SLFN12L: variants seen among roughly 807,000 people sequenced by gnomAD.
SLFN12L encodes the protein schlafen family member 12-like.
In SLFN12L, 34 loss-of-function variants were observed where a neutral mutation model predicts 34.8. That is an observed-to-expected ratio of 0.98 (90% confidence interval 0.74 to 1.30). The LOEUF (loss-of-function observed/expected upper bound fraction) is 1.30. SLFN12L is among the 50% of genes most tolerant of loss of function. The pLI is 0.00. For missense variants in SLFN12L, 703 were observed against 696.2 expected (o/e 1.01, Z -0.11); for synonymous variants, 259 against 247.5 (o/e 1.05, Z -0.44).
At chr17:35,498,195 G>T in intron 2 of SLFN12L, 1 of 694,134 alleles carries the variant, frequency 1.4e-6, no homozygotes, top group Non-Finnish European at 2.6e-6. Flanking sequence ...GGGGAGCCGG[G>T]GCCGCCTGGG....
intron 2 of SLFN12L, among the ~76,000 whole-genome samples, chr17:35,487,467 G>GACC (rs1213852415): frequency 6.7e-6 from 1 of 148,974 alleles, no homozygotes; most frequent in African/African-American, 2.5e-5. Flanking sequence ...GGAGCCCACG[G>GACC]ACCACCCCCC....
chr17:35,493,782 A>G (rs1010143270), intron 2 of SLFN12L, among the ~76,000 whole-genome samples: 7 of 152,270 alleles, frequency 4.6e-5, no homozygotes, highest in African/African-American at 1.4e-4. Context: ...TAGTCTACTC[A>G]CATTTTCATT....
rs955782732 is a variant in SLFN12L, at chr17:35,473,652, A to G, written c.*1271T>C. On this transcript the variant is annotated 3_prime_UTR_variant, in exon 5 of 5. Coordinates refer to ENST00000628453, the MANE Select transcript of SLFN12L (RefSeq NM_001363830.2). ...GTCCCTACCAGGTTTTGGTATCAGGATGATACTGGCTTCATAAAATGAGTT... is the reference window on the plus strand; with the variant it reads ...GTCCCTACCAGGTTTTGGTATCAGGGTGATACTGGCTTCATAAAATGAGTT... 1.4e-4 allele frequency: 22 copies of G among 152,080 alleles called. No homozygotes were observed. Among genetic ancestry groups the G allele is most frequent in the African/African-American group, 5.1e-4 (21 of 41,412 alleles). The allele number at this position is 152,080 out of a possible 1,614,324, so 9.4% of individuals were successfully genotyped here.
rs1180707692 is a variant in SLFN12L, at chr17:35,473,365, T to A, written c.*1558A>T. ...ATTGAGAGTTTTTAACATAAAGGGA[T>A]GTTGAATTTTGTCAGAGTCTTTTTC... is the stretch of plus-strand genomic sequence containing the variant. On this transcript the variant is annotated 3_prime_UTR_variant, in exon 5 of 5. Coordinates refer to ENST00000628453, the MANE Select transcript of SLFN12L (RefSeq NM_001363830.2). 6.6e-6 allele frequency among the ~76,000 whole-genome samples: 1 copy of A among 152,204 alleles called. No individual in the cohort carries two copies. The highest frequency in any genetic ancestry group is 1.5e-5 in the Non-Finnish European group (1 of 68,034).
chr17:35,530,793 C>T (rs558600549), intron 1 of SLFN12L, among the ~76,000 whole-genome samples: 299 of 152,238 alleles, frequency 2.0e-3, no homozygotes, highest in African/African-American at 4.5e-3. Flanking sequence ...TGTGCCACAA[C>T]CTGCACAATC....
At chr17:35,512,121 T>C (rs2142159259) in intron 2 of SLFN12L, among the ~76,000 whole-genome samples, 1 of 151,888 alleles carries the variant, frequency 6.6e-6, no homozygotes, top group African/African-American at 2.4e-5. Context: ...GGCAATTGTG[T>C]TTCTGGGAGA....
chr17:35,518,639 C>T (rs1006375092), intron 2 of SLFN12L, among the ~76,000 whole-genome samples: 5 of 150,898 alleles, frequency 3.3e-5, no homozygotes, highest in African/African-American at 1.2e-4. Context: ...AAATCAAAAC[C>T]ACAATGAGAT....
In SLFN12L at chr17:35,475,384, C is replaced by G; in HGVS notation, c.1378G>C (p.Val460Leu). ...GAGAAGATCAGTGAGCCCTTATTGA[C>G]AGAGCCCATTTCTTCACATATTAAT... Reference protein sequence around the residue: ...KQLICEEMGSVNKGSLIFSRS... With the variant: ...KQLICEEMGSLNKGSLIFSRS... The change falls in exon 5 of 5, where the codon GTC becomes CTC. Residue 460 changes from valine (V) to leucine (L), a missense_variant. By Grantham distance (32) the Val-to-Leu change is conservative (BLOSUM62 1). Transcript: ENST00000628453. The G allele has an allele frequency of 2.5e-6, 4 of 1,614,210 alleles. No homozygotes were observed. Among genetic ancestry groups the G allele is most frequent in the Non-Finnish European group, 3.4e-6 (4 of 1,180,046 alleles).
intron 2 of SLFN12L, chr17:35,490,421 T>A: frequency 8.2e-7 from 1 of 1,224,854 alleles, no homozygotes. Context: ...CCCGATGGGG[T>A]CTTGGTTTTG....
intron 2 of SLFN12L, among the ~76,000 whole-genome samples, chr17:35,491,928 G>A (rs1295423508): frequency 6.6e-6 from 1 of 152,190 alleles, no homozygotes; most frequent in Non-Finnish European, 1.5e-5. Context: ...GCCACTCTAA[G>A]CTGTTGTGGA....
chr17:35,495,371 A>C (rs1385806775), intron 2 of SLFN12L, among the ~76,000 whole-genome samples: 1 of 152,200 alleles, frequency 6.6e-6, no homozygotes, highest in Non-Finnish European at 1.5e-5. Context: ...TAGGTAGGTC[A>C]ATTTCCTTCA....
intron 2 of SLFN12L, chr17:35,490,414 G>A: frequency 2.4e-6 from 3 of 1,234,426 alleles, no homozygotes; most frequent in East Asian, 4.6e-5. Flanking sequence ...CCAGTCACCC[G>A]ATGGGGTCTT....
At chr17:35,529,495 C>G (rs529266193) in intron 1 of SLFN12L, among the ~76,000 whole-genome samples, 1 of 152,152 alleles carries the variant, frequency 6.6e-6, no homozygotes, top group Non-Finnish European at 1.5e-5. Flanking sequence ...CACATATACA[C>G]CATGGAATAC....
At position 35,473,104 on chromosome 17, in the gene SLFN12L, C is replaced by T. The variant is rs1406147737; in HGVS notation, c.*1819G>A. Among the ~76,000 whole-genome samples the T allele has an allele frequency of 6.6e-6, 1 of 152,154 alleles. No individual in the cohort carries two copies. The highest frequency in any genetic ancestry group is 3.2e-3 in the Middle Eastern group (1 of 316). ...AAATCATCTCATCTACAAATAAAGACAATTTGACTTCCTCTCTTCCTATTC... is the reference window on the plus strand; with the variant it reads ...AAATCATCTCATCTACAAATAAAGATAATTTGACTTCCTCTCTTCCTATTC... On this transcript the variant is annotated 3_prime_UTR_variant, in exon 5 of 5. Coordinates refer to ENST00000628453, the MANE Select transcript of SLFN12L (RefSeq NM_001363830.2).
At chr17:35,481,390 G>A (rs1489946637) in intron 2 of SLFN12L, among the ~76,000 whole-genome samples, 1 of 152,234 alleles carries the variant, frequency 6.6e-6, no homozygotes, top group Non-Finnish European at 1.5e-5. Context: ...CATGCTCCTG[G>A]TCCACTTTCA....
Position 35,530,505 on chromosome 17 carries a change from A to AAATT in SLFN12L, c.-606+7067_-606+7068insAATT, listed in dbSNP as rs2072396324. ...GAAAGAAAGAAAGAAAGAAAGAAAGAAAGAAAGAAAAGAAAAGAAAAGAAA... is the reference window on the plus strand; with the variant it reads ...GAAAGAAAGAAAGAAAGAAAGAAAGAAATTAAGAAAGAAAAGAAAAGAAAAGAAA... On this transcript the variant is annotated intron_variant, in intron 1 of 4. Transcript: ENST00000628453. Among the ~76,000 whole-genome samples, 24 of 30,556 alleles carry AAATT rather than the reference A, an allele frequency of 7.9e-4. 1 individual carries two copies. The highest frequency in any genetic ancestry group is 2.0e-3 in the African/African-American group (22 of 10,928). 20.0% of individuals were successfully genotyped at this position (30,556 alleles called of 152,430 possible).
intron 2 of SLFN12L, among the ~76,000 whole-genome samples, chr17:35,520,146 C>A (rs980595507): frequency 3.3e-5 from 5 of 152,214 alleles, no homozygotes; most frequent in Admixed American, 2.0e-4. Context: ...TTTCTTCTAT[C>A]AGCTAAACAA....
At chr17:35,517,155 T>G (rs150200585) in intron 2 of SLFN12L, among the ~76,000 whole-genome samples, 1 of 152,326 alleles carries the variant, frequency 6.6e-6, no homozygotes, top group East Asian at 1.9e-4. Context: ...ATCTTGGTTT[T>G]TGCCATTCTT....
chr17:35,492,744 C>T (rs188808277), intron 2 of SLFN12L, among the ~76,000 whole-genome samples: 6 of 152,268 alleles, frequency 3.9e-5, no homozygotes, highest in South Asian at 2.1e-4. Context: ...GGCTTTCCCT[C>T]GGGCAGGTGG....
Sources: gnomAD v4.1 joint callset for allele counts (sites outside exome capture counted in the v4.1 genomes callset) on GRCh38, gnomAD v4.1.1 for gene constraint, MANE v1.5 for transcripts, NCBI Gene and HGNC (gene_info 2026-07-23, HGNC 2026-07-21) for gene names.